The following PCDHA4 variants were observed in gnomAD, a reference collection of about 807,000 sequenced individuals.
PCDHA4 encodes the protein protocadherin alpha-4.
Under a neutral mutation model 61.4 loss-of-function variants are expected in PCDHA4, and 49 were observed. The ratio of observed to expected loss-of-function variants is 0.80; its 90% CI spans 0.63 to 1.01. PCDHA4 has a LOEUF of 1.01. PCDHA4 is among the 50% of genes least tolerant of loss of function. The pLI is 0.00. For synonymous variants in PCDHA4, 590 were observed against 550.3 expected, an observed-to-expected ratio of 1.07 and a Z score of -1.01; for missense variants, 1,254 against 1,235.8, an observed-to-expected ratio of 1.01 and a Z score of -0.22.
chr5:140,900,081 G>T (rs1306300563), intron 1 of PCDHA4, among the ~76,000 whole-genome samples: 1 of 152,062 alleles, frequency 6.6e-6, no homozygotes, highest in African/African-American at 2.4e-5. Context: ...AAGTGCTGCA[G>T]TTACAAGCAT....
At chr5:140,852,040 G>A (rs2150280605) in intron 1 of PCDHA4, 1 of 922,330 alleles carries the variant, frequency 1.1e-6, no homozygotes, top group Admixed American at 6.3e-5. Flanking sequence ...TTGAGTTTTT[G>A]TTATGTGGTT....
intron 1 of PCDHA4, among the ~76,000 whole-genome samples, chr5:140,917,163 G>C (rs948639951): frequency 6.6e-6 from 1 of 152,182 alleles, no homozygotes; most frequent in Non-Finnish European, 1.5e-5. Flanking sequence ...ATATGGGAGG[G>C]GTGATGGTGG....
intron 1 of PCDHA4, among the ~76,000 whole-genome samples, chr5:140,821,121 T>A (rs944818649): frequency 6.6e-6 from 1 of 152,124 alleles, no homozygotes; most frequent in Admixed American, 6.5e-5. Context: ...ACAGTGAAAT[T>A]GGAATAAAAA....
Position 140,869,973 on chromosome 5 carries a change from C to T in PCDHA4, c.2385+60401C>T, listed in dbSNP as rs782664221. The stretch of plus-strand genomic sequence containing the variant: ...TGTCAATTAAGCCCAATGGAAGACA[C>T]TTATTTACACTAGATCAAAATAATG... On this transcript the variant is annotated intron_variant, in intron 1 of 3. Coordinates refer to ENST00000530339, the MANE Select transcript of PCDHA4 (RefSeq NM_018907.4). 3.0e-5 allele frequency: 48 copies of T among 1,613,102 alleles called. No individual in the cohort carries two copies. In the East Asian group the frequency reaches 1.0e-3, roughly 34 times the overall value.
At chr5:140,877,653 C>A in intron 1 of PCDHA4, 1 of 1,613,522 alleles carries the variant, frequency 6.2e-7, no homozygotes, top group Non-Finnish European at 8.5e-7. Flanking sequence ...CAGCGCCGCC[C>A]ACCGTGAGCC....
chr5:140,901,767 T>C (rs1341707404), intron 1 of PCDHA4, among the ~76,000 whole-genome samples: 5 of 152,252 alleles, frequency 3.3e-5, no homozygotes, highest in African/African-American at 1.2e-4. Flanking sequence ...AGGGATTGCA[T>C]TGAATTTGTA....
intron 1 of PCDHA4, among the ~76,000 whole-genome samples, chr5:140,946,755 A>G (rs1554217843): frequency 3.3e-5 from 5 of 151,400 alleles, no homozygotes. Context: ...ATACTGCATG[A>G]TCTCATTCAT....
chr5:141,000,485 T>C (rs2097941579), intron 3 of PCDHA4, among the ~76,000 whole-genome samples: 2 of 135,980 alleles, frequency 1.5e-5, no homozygotes, highest in African/African-American at 5.5e-5. Flanking sequence ...TGGAGTGCAA[T>C]GGTAAGATCT....
rs782411315 is a variant in PCDHA4, at chr5:140,883,596, T to G, written c.2385+74024T>G. ...CTGTGGGCCACGGCCAGCGTGTCGG[T>G]GGGGGTGGCCGACGTGAACGACAAC... On this transcript the variant is annotated intron_variant, in intron 1 of 3. Coordinates refer to ENST00000530339, the MANE Select transcript of PCDHA4 (RefSeq NM_018907.4). 1.0e-4 allele frequency: 167 copies of G among 1,613,676 alleles called. No homozygotes were observed. The highest frequency in any genetic ancestry group is 1.6e-4 in the Middle Eastern group (1 of 6,072).
At chr5:140,916,070 G>A (rs1554197282) in intron 1 of PCDHA4, among the ~76,000 whole-genome samples, 1 of 152,130 alleles carries the variant, frequency 6.6e-6, no homozygotes, top group Non-Finnish European at 1.5e-5. Flanking sequence ...CCTGTGGCCA[G>A]TACTACCACT....
At chr5:140,864,331 TG>T (rs1554158785) in intron 1 of PCDHA4, 2 of 152,248 alleles carry the variant, frequency 1.3e-5, no homozygotes, top group African/African-American at 4.8e-5. Context: ...CATAATTATT[TG>T]AGTTTAAAAC....
chr5:140,858,366 G>C, intron 1 of PCDHA4: 1 of 1,590,950 alleles, frequency 6.3e-7, no homozygotes, highest in Admixed American at 1.7e-5. Context: ...TTCAGCCCCA[G>C]CCTTCCACCA....
chr5:141,009,953 A>G lies in PCDHA4; in HGVS notation c.*16A>G, dbSNP rs782663496. 3 of 1,592,888 alleles carry G rather than the reference A, an allele frequency of 1.9e-6. No homozygotes were observed. Among genetic ancestry groups the G allele is most frequent in the Non-Finnish European group, 2.6e-6 (3 of 1,172,546 alleles). On this transcript the variant is annotated 3_prime_UTR_variant, in exon 4 of 4. Transcript: ENST00000530339. ...TGACCAGTGAGGTCCTCAAATGGAA[A>G]CAAGCCACTTAGCCAGTTTTTGTAA...
intron 1 of PCDHA4, among the ~76,000 whole-genome samples, chr5:140,881,594 A>C (rs1464236535): frequency 6.6e-6 from 1 of 152,244 alleles, no homozygotes; most frequent in Non-Finnish European, 1.5e-5. Flanking sequence ...AGGGAAATTT[A>C]TTAATATGAT....
chr5:140,998,809 C>T (rs782698811), intron 3 of PCDHA4, among the ~76,000 whole-genome samples: 14 of 152,212 alleles, frequency 9.2e-5, no homozygotes, highest in Non-Finnish European at 1.9e-4. Context: ...GGTGATCTGC[C>T]TGCCTTGGCC....
rs781906273 is a variant in PCDHA4, at chr5:140,869,410, A to G, written c.2385+59838A>G. The G allele has an allele frequency of 3.7e-6, 6 of 1,614,082 alleles. No individual in the cohort carries two copies. The East Asian group carries it at 1.1e-4, about 30-fold the overall frequency. ...GCTGTGCGGGCAGAGCGCGGAGTGCAGCATCCACCTGGAGGTGATCGTGGA... is the reference window on the plus strand; with the variant it reads ...GCTGTGCGGGCAGAGCGCGGAGTGCGGCATCCACCTGGAGGTGATCGTGGA... On this transcript the variant is annotated intron_variant, in intron 1 of 3. Transcript: ENST00000530339.
At position 140,824,079 on chromosome 5, in the gene PCDHA4, C is replaced by T. The variant is rs149846106; in HGVS notation, c.2385+14507C>T. ...GGGAAGCTCCACCCAAAACAGACCT[C>T]ATGGCCTTCAGTCCAAGCCTTCCTC... is the stretch of plus-strand genomic sequence containing the variant. On this transcript the variant is annotated intron_variant, in intron 1 of 3. Transcript: ENST00000530339. 4.4e-5 allele frequency: 71 copies of T among 1,614,220 alleles called. No individual in the cohort carries two copies. The South Asian group carries it at 7.6e-4, about 17-fold the overall frequency.
chr5:141,000,421 A>ATATTTTT (rs1265241806), intron 3 of PCDHA4, among the ~76,000 whole-genome samples: 1 of 27,968 alleles, frequency 3.6e-5, no homozygotes, highest in Non-Finnish European at 5.7e-5. Context: ...ATATATATAT[A>ATATTTTT]TTTTTTTTTT....
intron 1 of PCDHA4, chr5:140,882,600 A>G: frequency 6.2e-7 from 1 of 1,614,252 alleles, no homozygotes; most frequent in East Asian, 2.2e-5. Context: ...GTGATCGTGG[A>G]CAGGCCTCTG....
Sources: allele counts gnomAD v4.1 joint callset (sites outside exome capture counted in the v4.1 genomes callset), GRCh38; gene constraint gnomAD v4.1.1; transcripts MANE v1.5; gene names NCBI Gene and HGNC (gene_info 2026-07-23, HGNC 2026-07-21).